Variants in FRAS1 observed in about 807,000 individuals in gnomAD.
FRAS1 encodes Fraser extracellular matrix complex subunit 1.
A neutral mutation model predicts 435.2 loss-of-function variants in FRAS1; 290 were observed. That is an observed-to-expected ratio of 0.67 (90% confidence interval 0.61 to 0.73). The LOEUF (loss-of-function observed/expected upper bound fraction) is 0.73, where lower values mean the gene tolerates loss of function less well. Among genes scored for constraint, FRAS1 ranks in the 30% least tolerant of loss-of-function variants. The pLI is 0.00. For synonymous variants in FRAS1, 1,800 were observed against 1,851.0 expected, an observed-to-expected ratio of 0.97 and a Z score of 0.71; for missense variants, 4,860 against 5,001.5, an observed-to-expected ratio of 0.97 and a Z score of 0.85.
At chr4:78,190,242 A>G (rs1722468903) in intron 2 of FRAS1, among the ~76,000 whole-genome samples, 1 of 152,110 alleles carries the variant, frequency 6.6e-6, no homozygotes, top group Non-Finnish European at 1.5e-5. Flanking sequence ...CTTTCCTCAC[A>G]TGTCAGTCAA....
At chr4:78,481,693 C>T (rs1302745874) in intron 56 of FRAS1, 111 bp from the exon 57 acceptor site, 5 of 1,228,332 alleles carry the variant, frequency 4.1e-6, no homozygotes. Context: ...TAGAAAAGCT[C>T]AAAGGGCTAA....
chr4:78,216,282 C>G (rs914637341), intron 2 of FRAS1, among the ~76,000 whole-genome samples: 13 of 152,220 alleles, frequency 8.5e-5, no homozygotes, highest in African/African-American at 2.4e-4. Flanking sequence ...GGCCCATGTA[C>G]CCACCTAAAT....
At chr4:78,300,044 G>C (rs1728314960) in intron 14 of FRAS1, among the ~76,000 whole-genome samples, 1 of 152,136 alleles carries the variant, frequency 6.6e-6, no homozygotes, top group Non-Finnish European at 1.5e-5. Flanking sequence ...TTTTGGTAAT[G>C]ACTTTAGATC....
rs1013628265 is a variant in FRAS1 at position 78,345,716 on chromosome 4, T to C, written c.2422+7899T>C. Among the ~76,000 whole-genome samples, 14 of 152,274 alleles carry C rather than the reference T, an allele frequency of 9.2e-5. No homozygotes were observed. The East Asian group carries it at 1.9e-3, about 21-fold the overall frequency. Reference sequence around the variant, plus strand: ...CTACAGAACTTTCAATGATTGTCTTTCTTGCTCTCTCAAATTTTGTTTTAT... The same window carrying C: ...CTACAGAACTTTCAATGATTGTCTTCCTTGCTCTCTCAAATTTTGTTTTAT... On this transcript the variant is annotated intron_variant, in intron 20 of 73. Coordinates refer to ENST00000512123, the MANE Select transcript of FRAS1 (RefSeq NM_025074.7).
chr4:78,455,301 T>C (rs1719155626), intron 47 of FRAS1, among the ~76,000 whole-genome samples: 1 of 152,044 alleles, frequency 6.6e-6, no homozygotes, highest in South Asian at 2.1e-4. Context: ...AGGAAGTACA[T>C]GTTGATTACT....
chr4:78,522,312 A>G (rs1359909228), intron 68 of FRAS1, among the ~76,000 whole-genome samples: 3 of 152,242 alleles, frequency 2.0e-5, no homozygotes, highest in African/African-American at 7.2e-5. Context: ...CATGTTCGTT[A>G]GAATTCAAAG....
At chr4:78,437,764 TCAA>T (rs1415045224) in intron 38 of FRAS1, among the ~76,000 whole-genome samples, 1 of 152,196 alleles carries the variant, frequency 6.6e-6, no homozygotes, top group Non-Finnish European at 1.5e-5. Context: ...ATTTTCACAA[TCAA>T]CAGCCCTAAA....
intron 2 of FRAS1, among the ~76,000 whole-genome samples, chr4:78,096,000 A>G (rs377460581): frequency 5.3e-5 from 8 of 152,224 alleles, no homozygotes; most frequent in African/African-American, 1.9e-4. Context: ...CATCTGAGAC[A>G]AGGCAAGTCC....
Position 78,191,858 on chromosome 4 carries a change from A to G in FRAS1, c.109-45652A>G, listed in dbSNP as rs188812456. Among the ~76,000 whole-genome samples, 788 of 152,292 alleles carry G rather than the reference A, an allele frequency of 5.2e-3. 9 individuals are homozygous for G. The highest frequency in any genetic ancestry group is 0.018 in the African/African-American group (729 of 41,552). ...TTTCCAGCTTCATCCATGTCCCTAC[A>G]AAGGACATGAACTCATCATTTTTTA... On this transcript the variant is annotated intron_variant, in intron 2 of 73. Transcript: ENST00000512123.
chr4:78,475,743 TG>T, intron 54 of FRAS1, 137 bp downstream of exon 54: 1 of 762,876 alleles, frequency 1.3e-6, no homozygotes, highest in Non-Finnish European at 2.0e-6. Context: ...AGTTTTCCTA[TG>T]TTCCCCTCCC....
intron 6 of FRAS1, among the ~76,000 whole-genome samples, chr4:78,262,160 C>T (rs1298892128): frequency 6.6e-6 from 1 of 152,196 alleles, no homozygotes; most frequent in African/African-American, 2.4e-5. Context: ...CTCTTATCTT[C>T]TGATCACATG....
intron 2 of FRAS1, among the ~76,000 whole-genome samples, chr4:78,082,993 G>A (rs1230521002): frequency 2.0e-5 from 3 of 152,142 alleles, no homozygotes; most frequent in African/African-American, 7.2e-5. Flanking sequence ...GCACAGATGA[G>A]ACATAGGCTT....
At chr4:78,305,605 A>C (rs1036854910) in intron 14 of FRAS1, among the ~76,000 whole-genome samples, 2 of 136,714 alleles carry the variant, frequency 1.5e-5, no homozygotes, top group African/African-American at 5.5e-5. Context: ...TGATCCCTTT[A>C]CCATTATGTA....
intron 19 of FRAS1, among the ~76,000 whole-genome samples, chr4:78,336,898 C>A (rs1441893475): frequency 5.9e-5 from 9 of 152,170 alleles, no homozygotes; most frequent in African/African-American, 1.9e-4. Context: ...CCCTTGGCAG[C>A]GTCAATGCAG....
chr4:78,320,359 A>AGG (rs1729454102), intron 18 of FRAS1, among the ~76,000 whole-genome samples: 1 of 152,176 alleles, frequency 6.6e-6, no homozygotes, highest in African/African-American at 2.4e-5. Context: ...GGTTACTTCC[A>AGG]GGTGCCAAAG....
At chr4:78,419,452 A>G (rs995351916) in intron 33 of FRAS1, among the ~76,000 whole-genome samples, 1 of 152,204 alleles carries the variant, frequency 6.6e-6, no homozygotes, top group Non-Finnish European at 1.5e-5. Flanking sequence ...TATGTTCAGG[A>G]TAAGGAGTTC....
At chr4:78,088,533 A>G (rs1741328547) in intron 2 of FRAS1, among the ~76,000 whole-genome samples, 1 of 152,180 alleles carries the variant, frequency 6.6e-6, no homozygotes, top group African/African-American at 2.4e-5. Context: ...TACTCATCTG[A>G]CAAAGGGCTA....
Position 78,513,469 on chromosome 4 carries a change from A to G in FRAS1, c.10091A>G (p.His3364Arg), listed in dbSNP as rs922004210. ...LISTMPLHNL[H>R]FLLSESIYRH... ...TCCACCATGCCGTTGCACAACTTAC[A>G]TTTTCTACTGTCTGAGTCCATCTAC... The change falls in exon 65 of 74, where the codon CAT becomes CGT. Residue 3364 changes from histidine to arginine, a missense_variant. His to Arg is a conservative substitution (Grantham distance 29). Coordinates refer to ENST00000512123, the MANE Select transcript of FRAS1 (RefSeq NM_025074.7). 2.7e-5 allele frequency: 43 copies of G among 1,613,702 alleles called. No individual in the cohort carries two copies. The highest frequency in any genetic ancestry group is 3.4e-5 in the Non-Finnish European group (40 of 1,179,844).
At position 78,177,472 on chromosome 4, in the gene FRAS1, G is replaced by A. The variant is rs543046359; in HGVS notation, c.109-60038G>A. Among the ~76,000 whole-genome samples, 5 of 152,302 alleles carry A rather than the reference G, an allele frequency of 3.3e-5. No individual in the cohort carries two copies. The South Asian group carries it at 1.0e-3, about 32-fold the overall frequency. ...TGAGCTGCTGAGACAAGTGGTTGGG[G>A]ACATTGGTCTATGGTTAGCATTCTC... is the stretch of plus-strand genomic sequence containing the variant. On this transcript the variant is annotated intron_variant, in intron 2 of 73. Coordinates refer to ENST00000512123, the MANE Select transcript of FRAS1 (RefSeq NM_025074.7).
Sources: allele counts gnomAD v4.1 joint callset (sites outside exome capture counted in the v4.1 genomes callset), GRCh38; gene constraint gnomAD v4.1.1; transcripts MANE v1.5; gene names NCBI Gene and HGNC (gene_info 2026-07-23, HGNC 2026-07-21).